Variants in CAP2 observed in about 807,000 individuals in gnomAD.
The protein encoded by CAP2 is adenylyl cyclase-associated protein 2.
A neutral mutation model predicts 57.7 loss-of-function variants in CAP2; 24 were observed. The ratio of observed to expected loss-of-function variants is 0.42; its 90% CI spans 0.30 to 0.58. The LOEUF (loss-of-function observed/expected upper bound fraction) is 0.58. Ranked by LOEUF, CAP2 falls within the 20% of genes least tolerant of loss-of-function variation. The pLI is 0.22. For missense variants in CAP2, 501 were observed against 590.3 expected (o/e 0.85, Z 1.57); for synonymous variants, 194 against 207.2 (o/e 0.94, Z 0.55).
intron 1 of CAP2, among the ~76,000 whole-genome samples, chr6:17,421,111 GTT>G (rs1360494791): frequency 6.6e-6 from 1 of 152,178 alleles, no homozygotes; most frequent in Non-Finnish European, 1.5e-5. Flanking sequence ...TGGAGGCCAT[GTT>G]ATTCTAAGTG....
At chr6:17,457,649 A>G (rs1459857716) in intron 3 of CAP2, among the ~76,000 whole-genome samples, 2 of 152,188 alleles carry the variant, frequency 1.3e-5, no homozygotes, top group African/African-American at 2.4e-5. Context: ...GTTGAAGCAG[A>G]TATCTCAATA....
At chr6:17,535,091 TAGG>T (rs1356320398) in intron 7 of CAP2, among the ~76,000 whole-genome samples, 4 of 152,076 alleles carry the variant, frequency 2.6e-5, no homozygotes, top group African/African-American at 9.7e-5. Context: ...AGAGGTGCTG[TAGG>T]AGCTCAGTCA....
At chr6:17,417,087 A>G (rs1759297808) in intron 1 of CAP2, among the ~76,000 whole-genome samples, 1 of 151,826 alleles carries the variant, frequency 6.6e-6, no homozygotes, top group Admixed American at 6.6e-5. Flanking sequence ...AAACAGTGAG[A>G]CTCTGTCTCA....
At chr6:17,481,832 A>G (rs904534441) in intron 4 of CAP2, among the ~76,000 whole-genome samples, 1 of 152,152 alleles carries the variant, frequency 6.6e-6, no homozygotes, top group African/African-American at 2.4e-5. Context: ...TCCAAAGTCT[A>G]AGGAGAGAAA....
chr6:17,523,188 G>A (rs368469629), intron 7 of CAP2, among the ~76,000 whole-genome samples: 3 of 152,182 alleles, frequency 2.0e-5, no homozygotes, highest in Non-Finnish European at 4.4e-5. Flanking sequence ...GTGACCTAGA[G>A]TGTGACAATG....
At chr6:17,509,321 A>C (rs1762081206) in intron 6 of CAP2, among the ~76,000 whole-genome samples, 1 of 152,132 alleles carries the variant, frequency 6.6e-6, no homozygotes, top group Non-Finnish European at 1.5e-5. Flanking sequence ...TAAGGATTAC[A>C]ATATAAAAAA....
At chr6:17,466,757 G>T (rs779780906) in intron 4 of CAP2, among the ~76,000 whole-genome samples, 3 of 152,266 alleles carry the variant, frequency 2.0e-5, no homozygotes, top group East Asian at 3.9e-4. Context: ...GAATCCCTTG[G>T]TAGTCAAATC....
chr6:17,441,593 C>T (rs1188092327), intron 3 of CAP2, among the ~76,000 whole-genome samples: 1 of 151,528 alleles, frequency 6.6e-6, no homozygotes, highest in Non-Finnish European at 1.5e-5. Context: ...AGGTGATTCT[C>T]CCACCTCAGC....
intron 1 of CAP2, among the ~76,000 whole-genome samples, chr6:17,406,417 G>T (rs1201190679): frequency 1.5e-5 from 1 of 65,900 alleles, no homozygotes; most frequent in African/African-American, 1.2e-4. Flanking sequence ...TTTTTTTGAG[G>T]CAGTCTCACT....
chr6:17,529,618 G>A (rs6939331), intron 7 of CAP2, among the ~76,000 whole-genome samples: 1,588 of 138,270 alleles, frequency 0.011, 40 homozygotes, highest in African/African-American at 0.042. Flanking sequence ...TCCGGCCTGG[G>A]CAACAGAGCA....
intron 1 of CAP2, among the ~76,000 whole-genome samples, chr6:17,407,452 C>A (rs1405024743): frequency 6.6e-6 from 1 of 151,144 alleles, no homozygotes; most frequent in Non-Finnish European, 1.5e-5. Flanking sequence ...GCACTCCAGC[C>A]TGGGCAGCTG....
At chr6:17,518,738 A>G (rs1351614078) in intron 7 of CAP2, among the ~76,000 whole-genome samples, 1 of 152,020 alleles carries the variant, frequency 6.6e-6, no homozygotes, top group East Asian at 1.9e-4. Flanking sequence ...CTTGGACTCT[A>G]ATGATCCTCC....
intron 4 of CAP2, among the ~76,000 whole-genome samples, chr6:17,505,239 T>C (rs1761945947): frequency 6.6e-6 from 1 of 152,188 alleles, no homozygotes; most frequent in East Asian, 1.9e-4. Context: ...CCAAGGCCAT[T>C]CTAATTCCAA....
chr6:17,454,490 C>T (rs1760503119), intron 3 of CAP2, among the ~76,000 whole-genome samples: 3 of 152,370 alleles, frequency 2.0e-5, no homozygotes, highest in East Asian at 3.9e-4. Context: ...ACACCATTAG[C>T]ACATTTTTAC....
chr6:17,439,143 G>A (rs1391663632), intron 3 of CAP2, among the ~76,000 whole-genome samples: 3 of 150,080 alleles, frequency 2.0e-5, no homozygotes, highest in Admixed American at 2.0e-4. Flanking sequence ...AAAAGAGAGA[G>A]AGAAAAAAAA....
At chr6:17,409,817 C>T (rs1282515330) in intron 1 of CAP2, among the ~76,000 whole-genome samples, 1 of 152,094 alleles carries the variant, frequency 6.6e-6, no homozygotes, top group Non-Finnish European at 1.5e-5. Flanking sequence ...TAGCTTCTCC[C>T]TTTCCCTCCA....
At chr6:17,468,461 G>A (rs1760931096) in intron 4 of CAP2, among the ~76,000 whole-genome samples, 1 of 152,154 alleles carries the variant, frequency 6.6e-6, no homozygotes, top group South Asian at 2.1e-4. Context: ...GCTGTGCTGT[G>A]GTCATCACCC....
intron 11 of CAP2, among the ~76,000 whole-genome samples, chr6:17,547,476 A>G (rs980209079): frequency 1.3e-5 from 2 of 152,216 alleles, no homozygotes; most frequent in African/African-American, 4.8e-5. Flanking sequence ...AAAAAAAGAA[A>G]GAAAAAGAAA....
intron 12 of CAP2, among the ~76,000 whole-genome samples, chr6:17,552,403 C>A (rs1191550611): frequency 6.6e-6 from 1 of 152,186 alleles, no homozygotes; most frequent in Non-Finnish European, 1.5e-5. Flanking sequence ...AATGCCAGCA[C>A]TTTGGGAGGC....
Sources: allele counts gnomAD v4.1 joint callset (sites outside exome capture counted in the v4.1 genomes callset), GRCh38; gene constraint gnomAD v4.1.1; transcripts MANE v1.5; gene names NCBI Gene and HGNC (gene_info 2026-07-23, HGNC 2026-07-21).